The following ZFAND3 variants were observed in gnomAD, a reference collection of about 807,000 sequenced individuals.
ZFAND3 encodes AN1-type zinc finger protein 3.
ZFAND3 carries 10 observed loss-of-function variants against 29.6 expected under a neutral mutation model. That is an observed-to-expected ratio of 0.34 (90% CI 0.21 to 0.57). ZFAND3 has a LOEUF of 0.57. Ranked by LOEUF, ZFAND3 falls within the 20% of genes least tolerant of loss-of-function variation. The pLI is 0.86. For missense variants in ZFAND3, 230 were observed against 304.5 expected (o/e 0.76, Z 1.82); for synonymous variants, 128 against 112.6 (o/e 1.14, Z -0.87).
chr6:38,069,640 G>T (rs1764413839), intron 3 of ZFAND3, among the ~76,000 whole-genome samples: 3 of 152,028 alleles, frequency 2.0e-5, no homozygotes, highest in Non-Finnish European at 4.4e-5. Context: ...ATAATGTACA[G>T]TTATATGCTA....
chr6:38,108,467 G>A (rs912816261), intron 4 of ZFAND3, among the ~76,000 whole-genome samples: 4 of 152,152 alleles, frequency 2.6e-5, no homozygotes, highest in Non-Finnish European at 5.9e-5. Context: ...GACAGTACAC[G>A]CTTTAGCCTG....
chr6:38,135,228 T>C (rs1184006868), intron 5 of ZFAND3, among the ~76,000 whole-genome samples: 1 of 152,190 alleles, frequency 6.6e-6, no homozygotes, highest in Non-Finnish European at 1.5e-5. Flanking sequence ...GCTAGCACAC[T>C]TCAGATCTGG....
chr6:38,076,652 T>G (rs1764559581), intron 3 of ZFAND3, among the ~76,000 whole-genome samples: 1 of 152,208 alleles, frequency 6.6e-6, no homozygotes, highest in Non-Finnish European at 1.5e-5. Context: ...GTAAATGGTT[T>G]AATTTGGAAG....
intron 1 of ZFAND3, among the ~76,000 whole-genome samples, chr6:37,876,017 A>G (rs1047627772): frequency 6.6e-6 from 1 of 152,172 alleles, no homozygotes; most frequent in Non-Finnish European, 1.5e-5. Flanking sequence ...TATTTACCCT[A>G]AAATCACTTT....
At chr6:37,996,400 C>A in intron 2 of ZFAND3, among the ~76,000 whole-genome samples, 1 of 152,052 alleles carries the variant, frequency 6.6e-6, no homozygotes, top group East Asian at 1.9e-4. Flanking sequence ...GTATAAGTGT[C>A]CTCAATTTAA....
intron 2 of ZFAND3, among the ~76,000 whole-genome samples, chr6:38,054,126 A>G (rs183093453): frequency 1.7e-3 from 257 of 151,560 alleles, no homozygotes; most frequent in Non-Finnish European, 2.3e-3. Context: ...TACACCTGTA[A>G]TCCTGGCACT....
intron 1 of ZFAND3, among the ~76,000 whole-genome samples, chr6:37,916,832 A>G (rs141789949): frequency 6.6e-6 from 1 of 152,360 alleles, no homozygotes; most frequent in East Asian, 1.9e-4. Flanking sequence ...GAATAGCATC[A>G]TGACATCTCA....
intron 5 of ZFAND3, among the ~76,000 whole-genome samples, chr6:38,135,189 G>C (rs1765815890): frequency 6.6e-6 from 1 of 152,170 alleles, no homozygotes; most frequent in South Asian, 2.1e-4. Context: ...AGCGCTGAGA[G>C]GTGACACTCT....
intron 1 of ZFAND3, among the ~76,000 whole-genome samples, chr6:37,887,348 C>G (rs557917124): frequency 6.6e-6 from 1 of 152,254 alleles, no homozygotes; most frequent in East Asian, 1.9e-4. Context: ...TCTTGACTTT[C>G]TTTTTAAAAA....
chr6:38,068,486 T>C (rs1286257641), intron 3 of ZFAND3, among the ~76,000 whole-genome samples: 4 of 152,210 alleles, frequency 2.6e-5, no homozygotes, highest in African/African-American at 9.7e-5. Context: ...TACAGAGTTC[T>C]TTGATACACA....
intron 1 of ZFAND3, among the ~76,000 whole-genome samples, chr6:37,859,862 G>GTTTTTTTTTTT (rs55850662): frequency 7.5e-5 from 10 of 133,306 alleles, no homozygotes; most frequent in Admixed American, 1.6e-4. Flanking sequence ...GCTGGAGTGG[G>GTTTTTTTTTTT]TTTTTTTTTT....
At chr6:38,082,512 T>A in intron 4 of ZFAND3, 55 bp downstream of exon 4, 1 of 1,542,574 alleles carries the variant, frequency 6.5e-7, no homozygotes, top group Non-Finnish European at 8.9e-7. Flanking sequence ...TCACAGAAGT[T>A]AGCAACTGGT....
chr6:38,096,855 T>C (rs1185788988), intron 4 of ZFAND3, among the ~76,000 whole-genome samples: 1 of 147,936 alleles, frequency 6.8e-6, no homozygotes, highest in Admixed American at 6.6e-5. Context: ...GTTCTTTCCT[T>C]ATTTATGTAT....
At position 37,982,584 on chromosome 6, in the gene ZFAND3, C is replaced by T. The variant is rs142959124; in HGVS notation, c.112+52585C>T. Among the ~76,000 whole-genome samples the T allele has an allele frequency of 3.0e-3, 459 of 152,154 alleles. 2 individuals are homozygous for T. Among genetic ancestry groups the T allele is most frequent in the African/African-American group, 9.9e-3 (409 of 41,490 alleles). ...ACACAATACATTACACATGTGTTTA[C>T]GATGATGCTTGTGTAAGTATATCTA... On this transcript the variant is annotated intron_variant, in intron 2 of 5. Coordinates refer to ENST00000287218, the MANE Select transcript of ZFAND3 (RefSeq NM_021943.3).
intron 1 of ZFAND3, among the ~76,000 whole-genome samples, chr6:37,843,509 C>T (rs1009922122): frequency 1.3e-5 from 2 of 152,004 alleles, no homozygotes; most frequent in Middle Eastern, 3.4e-3. Context: ...AAATGTGTTC[C>T]TGTCTTTGCT....
intron 2 of ZFAND3, among the ~76,000 whole-genome samples, chr6:37,998,207 C>G (rs1423084739): frequency 1.3e-5 from 2 of 152,110 alleles, no homozygotes; most frequent in Non-Finnish European, 2.9e-5. Flanking sequence ...TTCAAAAAGG[C>G]TGCATTCTAT....
At chr6:38,090,859 T>C (rs1764853414) in intron 4 of ZFAND3, among the ~76,000 whole-genome samples, 1 of 152,216 alleles carries the variant, frequency 6.6e-6, no homozygotes, top group African/African-American at 2.4e-5. Context: ...TGTATAGATT[T>C]CAGATAAGAT....
intron 2 of ZFAND3, among the ~76,000 whole-genome samples, chr6:38,040,628 T>A (rs1409332997): frequency 2.0e-5 from 3 of 152,208 alleles, no homozygotes; most frequent in Non-Finnish European, 4.4e-5. Flanking sequence ...TAATACAAGA[T>A]CTCCAGTATG....
At chr6:37,882,363 C>T (rs1248814680) in intron 1 of ZFAND3, among the ~76,000 whole-genome samples, 1 of 152,016 alleles carries the variant, frequency 6.6e-6, no homozygotes, top group African/African-American at 2.4e-5. Flanking sequence ...ATATAGCCGC[C>T]CCCCCAATTC....
Sources: gnomAD v4.1 joint callset for allele counts (sites outside exome capture counted in the v4.1 genomes callset) on GRCh38, gnomAD v4.1.1 for gene constraint, MANE v1.5 for transcripts, NCBI Gene and HGNC (gene_info 2026-07-23, HGNC 2026-07-21) for gene names.